NAV1: variants seen among roughly 807,000 people sequenced by gnomAD.
The protein encoded by NAV1 is neuron navigator 1.
NAV1 carries 18 observed loss-of-function variants against 175.2 expected under a neutral mutation model. That is an observed-to-expected ratio of 0.10 (90% CI 0.07 to 0.15). NAV1 has a LOEUF of 0.15. Ranked by LOEUF, NAV1 falls within the 10% of genes least tolerant of loss-of-function variation. The pLI, the probability that NAV1 is intolerant of heterozygous loss-of-function variation, is 1.00. For missense variants in NAV1, 1,731 were observed against 2,436.6 expected (o/e 0.71, Z 6.10); for synonymous variants, 897 against 978.7 (o/e 0.92, Z 1.56).
At chr1:201,771,500 G>GGA (rs1346087575) in intron 3 of NAV1, among the ~76,000 whole-genome samples, 11 of 86,830 alleles carry the variant, frequency 1.3e-4, no homozygotes, top group African/African-American at 4.3e-4. Flanking sequence ...ACTTCGTCTA[G>GGA]AAAAAAAAAA....
At chr1:201,609,534 A>G (rs1254065858) in intron 2 of NAV1, among the ~76,000 whole-genome samples, 1 of 152,190 alleles carries the variant, frequency 6.6e-6, no homozygotes, top group Non-Finnish European at 1.5e-5. Flanking sequence ...GAGTGATACT[A>G]CCTCCATCTG....
intron 1 of NAV1, among the ~76,000 whole-genome samples, chr1:201,696,118 G>A (rs944419493): frequency 2.0e-5 from 3 of 152,142 alleles, no homozygotes; most frequent in Admixed American, 6.5e-5. Context: ...GTGGGGACAG[G>A]GCAGACTCAG....
intron 1 of NAV1, among the ~76,000 whole-genome samples, chr1:201,710,094 C>T (rs1671834165): frequency 6.6e-6 from 1 of 150,942 alleles, no homozygotes; most frequent in Non-Finnish European, 1.5e-5. Context: ...CCATCTGGAG[C>T]ATCTGGGGCA....
At chr1:201,555,965 A>G (rs1034731251) in intron 1 of NAV1, among the ~76,000 whole-genome samples, 1 of 151,856 alleles carries the variant, frequency 6.6e-6, no homozygotes, top group African/African-American at 2.4e-5. Context: ...AAGGCCCAAG[A>G]GGTATTTGAG....
intron 1 of NAV1, among the ~76,000 whole-genome samples, chr1:201,571,883 T>A (rs1459387800): frequency 6.6e-6 from 1 of 152,162 alleles, no homozygotes; most frequent in East Asian, 1.9e-4. Context: ...ACAATTTGAG[T>A]GGGTAAAAGT....
intron 2 of NAV1, among the ~76,000 whole-genome samples, chr1:201,601,271 C>T (rs1013497866): frequency 3.3e-5 from 5 of 152,158 alleles, no homozygotes; most frequent in Admixed American, 6.5e-5. Flanking sequence ...CACTTGAGTC[C>T]AGGAGTTCAA....
At chr1:201,665,201 C>T (rs1484844067) in intron 1 of NAV1, among the ~76,000 whole-genome samples, 1 of 152,002 alleles carries the variant, frequency 6.6e-6, no homozygotes, top group Non-Finnish European at 1.5e-5. Flanking sequence ...AGCTCTCTCC[C>T]TTTGCTGTGC....
At chr1:201,761,502 C>A (rs959297547) in intron 3 of NAV1, among the ~76,000 whole-genome samples, 6 of 152,188 alleles carry the variant, frequency 3.9e-5, no homozygotes, top group African/African-American at 1.4e-4. Context: ...TGATTCCTAT[C>A]CCTTTTTCCT....
chr1:201,671,695 G>C (rs566998578), intron 1 of NAV1, among the ~76,000 whole-genome samples: 1 of 152,166 alleles, frequency 6.6e-6, no homozygotes, highest in South Asian at 2.1e-4. Flanking sequence ...CCCTGGGCAC[G>C]CTGGGTCTCT....
At chr1:201,656,962 C>T (rs1452717955) in intron 1 of NAV1, among the ~76,000 whole-genome samples, 1 of 152,184 alleles carries the variant, frequency 6.6e-6, no homozygotes, top group Non-Finnish European at 1.5e-5. Context: ...AGGCCCCTCC[C>T]TTTTGGGGAA....
chr1:201,581,001 C>G (rs371119982), intron 1 of NAV1, among the ~76,000 whole-genome samples: 12 of 152,100 alleles, frequency 7.9e-5, no homozygotes, highest in Admixed American at 5.9e-4. Flanking sequence ...ACAGGAGGGG[C>G]AGAGTACTCA....
intron 2 of NAV1, among the ~76,000 whole-genome samples, chr1:201,642,268 A>G (rs1036821720): frequency 6.8e-6 from 1 of 146,022 alleles, no homozygotes. Flanking sequence ...GCTGGAGTGC[A>G]GTGGCGCGAT....
At chr1:201,677,951 T>C (rs1670318790) in intron 1 of NAV1, among the ~76,000 whole-genome samples, 1 of 152,086 alleles carries the variant, frequency 6.6e-6, no homozygotes, top group Non-Finnish European at 1.5e-5. Flanking sequence ...CCTAATAGCC[T>C]GAAGCTTTCA....
chr1:201,779,703 GT>G (rs1283423486), intron 3 of NAV1, among the ~76,000 whole-genome samples: 1 of 151,438 alleles, frequency 6.6e-6, no homozygotes, highest in Non-Finnish European at 1.5e-5. Flanking sequence ...ATGAAGTAGC[GT>G]TTTTGGATAC....
Position 201,810,186 on chromosome 1 carries a change from T to C in NAV1, c.4561+81T>C. On this transcript the variant is annotated intron_variant, in intron 23 of 29. Coordinates refer to ENST00000367296, the Ensembl canonical transcript of NAV1. The surrounding 1 kb of genome is among the most constrained non-coding windows in gnomAD (Gnocchi z 6.0). Reference sequence around the variant, plus strand: ...ATCAAATAATCCATCATGCATTCATTCACCAAGAACTCACTGAGAAGGTAT... The same window carrying C: ...ATCAAATAATCCATCATGCATTCATCCACCAAGAACTCACTGAGAAGGTAT... 1 of 1,540,750 alleles carries C rather than the reference T, an allele frequency of 6.5e-7. No homozygotes were observed. The highest frequency in any genetic ancestry group is 1.2e-5 in the South Asian group (1 of 84,188).
intron 15 of NAV1, among the ~76,000 whole-genome samples, chr1:201,802,091 T>C (rs28515191): frequency 0.99 from 122,315 of 123,622 alleles, 60,515 homozygotes; most frequent in East Asian, 1. Flanking sequence ...GAGCCGAGAT[T>C]CCGCCACTGC....
At chr1:201,573,431 G>A (rs1666605100) in intron 1 of NAV1, among the ~76,000 whole-genome samples, 1 of 152,142 alleles carries the variant, frequency 6.6e-6, no homozygotes, top group African/African-American at 2.4e-5. Context: ...TTTTGAAGTG[G>A]AGCCATGTGA....
intron 1 of NAV1, among the ~76,000 whole-genome samples, chr1:201,688,862 C>G (rs1234962636): frequency 6.6e-6 from 1 of 152,218 alleles, no homozygotes; most frequent in Non-Finnish European, 1.5e-5. Flanking sequence ...AATTCTGTCT[C>G]TATTGAAAAG....
At chr1:201,623,243 T>C (rs936228055) in exon 1 of NAV1, 8 of 985,860 alleles carry the variant, frequency 8.1e-6, no homozygotes, top group Admixed American at 6.2e-5. Context: ...TCCGGAAGAA[T>C]TGGCGAGAGA....
Sources: gnomAD v4.1 joint callset for allele counts (sites outside exome capture counted in the v4.1 genomes callset) on GRCh38, gnomAD v4.1.1 for gene constraint, Gnocchi (gnomAD v3.1) non-coding constraint, MANE v1.5 for transcripts, NCBI Gene and HGNC (gene_info 2026-07-23, HGNC 2026-07-21) for gene names.